Variants in HNRNPK observed in about 807,000 individuals in gnomAD.
HNRNPK encodes dC-stretch binding protein.
In HNRNPK, 7 loss-of-function variants were observed where a neutral mutation model predicts 67.0. The observed-to-expected ratio is 0.10, with a 90% CI of 0.06 to 0.20. The LOEUF (loss-of-function observed/expected upper bound fraction) is 0.20, where lower values mean the gene tolerates loss of function less well. Among genes scored for constraint, HNRNPK ranks in the 10% least tolerant of loss-of-function variants. HNRNPK has a pLI of 1.00. For missense variants in HNRNPK, 264 were observed against 606.5 expected, an observed-to-expected ratio of 0.44 and a Z score of 5.93; for synonymous variants, 213 against 193.7, an observed-to-expected ratio of 1.10 and a Z score of -0.83.
chr9:83,979,307 G>A (rs1186575562), intron 1 of HNRNPK, among the ~76,000 whole-genome samples: 1 of 152,220 alleles, frequency 6.6e-6, no homozygotes, highest in African/African-American at 2.4e-5. Context: ...AACGACAACT[G>A]AAACGACATC....
chr9:83,974,131 ATT>A (rs1244951050), intron 7 of HNRNPK, among the ~76,000 whole-genome samples, 158 bp from the exon 8 acceptor site: 2 of 152,128 alleles, frequency 1.3e-5, no homozygotes, highest in African/African-American at 4.8e-5. Flanking sequence ...AACATAAAAT[ATT>A]TTTCTCTATA....
intron 1 of HNRNPK, 71 bp downstream of exon 1, chr9:83,980,082 C>T (rs924723122): frequency 3.9e-5 from 6 of 152,398 alleles, no homozygotes; most frequent in African/African-American, 1.4e-4. Flanking sequence ...TCCCAGGACG[C>T]CTCCCTCAAG....
At chr9:83,970,964 C>CTAAATTACTAAATTA (rs779441775) in intron 13 of HNRNPK, 52 bp from the exon 14 acceptor site, 10 of 1,551,900 alleles carry the variant, frequency 6.4e-6, no homozygotes, top group Non-Finnish European at 8.9e-6. Context: ...GTAATTACTA[C>CTAAATTACTAAATTA]CGGTACTTTA....
Position 83,973,789 on chromosome 9 carries a change from T to C in HNRNPK, c.402+113A>G, listed in dbSNP as rs1050170362. 7 of 753,448 alleles carry C rather than the reference T, an allele frequency of 9.3e-6. No homozygotes were observed. The Admixed American group carries it at 9.9e-5, about 11-fold the overall frequency. 46.7% of individuals were successfully genotyped at this position (753,448 alleles called of 1,614,324 possible). On this transcript the variant is annotated intron_variant, in intron 8 of 16. Coordinates refer to ENST00000376263, the MANE Select transcript of HNRNPK (RefSeq NM_031263.4). Reference sequence around the variant, plus strand: ...GAGTTGTAAGACCATTCATGTATCATGTTTTTAAGCCTTTTTCTATAGAGA... The same window carrying C: ...GAGTTGTAAGACCATTCATGTATCACGTTTTTAAGCCTTTTTCTATAGAGA...
At chr9:83,970,528 G>A in intron 15 of HNRNPK, 197 bp from the exon 16 acceptor site, 1 of 640,328 alleles carries the variant, frequency 1.6e-6, no homozygotes, top group Non-Finnish European at 2.7e-6. Context: ...TTAGTTAAGG[G>A]CTCAAAACCT....
Position 83,971,928 on chromosome 9 carries a change from T to C in HNRNPK, c.907A>G (p.Arg303Gly), listed in dbSNP as rs1956864032. Residue 303 changes from arginine to glycine, a missense_variant, in exon 11 of 17, where the codon AGA becomes GGA. Around this residue, in one of 6 missense-constraint regions of HNRNPK, gnomAD observed 142 missense variants for 256.5 expected, o/e 0.55. Coordinates refer to ENST00000376263, the MANE Select transcript of HNRNPK (RefSeq NM_031263.4). ...GGAGGAAGAGGAAGATTCCGAGCTC[T>C]GCTACCACCCCGGCCGCCTCGTCCG... ...PPGRGGRGGS[R>G]ARNLPLPPPP... 1 of 1,583,016 alleles carries C rather than the reference T, an allele frequency of 6.3e-7. No individual in the cohort carries two copies. Among genetic ancestry groups the C allele is most frequent in the African/African-American group, 1.4e-5 (1 of 73,724 alleles).
In HNRNPK at chr9:83,969,244, C is replaced by T. The variant is rs899268198; in HGVS notation, c.*163G>A. On this transcript the variant is annotated 3_prime_UTR_variant, in exon 17 of 17. Coordinates refer to ENST00000376263, the MANE Select transcript of HNRNPK (RefSeq NM_031263.4). Reference sequence around the variant, plus strand: ...CATCTGGTGAACAGCAAAGATTTCACTACACCTCAAATGCAGAACACCTAT... The same window carrying T: ...CATCTGGTGAACAGCAAAGATTTCATTACACCTCAAATGCAGAACACCTAT... 5 of 704,522 alleles carry T rather than the reference C, an allele frequency of 7.1e-6. No individual in the cohort carries two copies. The African/African-American group carries it at 7.2e-5, about 10-fold the overall frequency. The allele number at this position is 704,522 out of a possible 1,614,324, so 43.6% of individuals were successfully genotyped here.
At chr9:83,973,156 ATT>A in intron 9 of HNRNPK, 128 bp downstream of exon 9, 1 of 755,384 alleles carries the variant, frequency 1.3e-6, no homozygotes, top group East Asian at 2.5e-5. Flanking sequence ...AGTGCCAGAC[ATT>A]TTTTGTCATT....
intron 6 of HNRNPK, among the ~76,000 whole-genome samples, chr9:83,975,119 G>A (rs866074464): frequency 2.0e-5 from 3 of 152,214 alleles, no homozygotes; most frequent in Admixed American, 6.5e-5. Flanking sequence ...ACCAGAGTTA[G>A]CATTTCATCA....
chr9:83,978,174 A>G (rs779559331), intron 3 of HNRNPK, 21 bp downstream of exon 3: 3 of 1,512,220 alleles, frequency 2.0e-6, no homozygotes, highest in South Asian at 2.3e-5. Flanking sequence ...AAATACTGTT[A>G]AAACTAAAAT....
intron 7 of HNRNPK, 42 bp downstream of exon 7, chr9:83,974,475 C>T: frequency 1.1e-6 from 1 of 943,074 alleles, no homozygotes; most frequent in Non-Finnish European, 1.7e-6. Context: ...TAAACATTCC[C>T]CCCTCATATT....
At position 83,969,444 on chromosome 9, in the gene HNRNPK, TAAAAG is replaced by T. The variant is rs746640216; in HGVS notation, c.1362-9_1362-5del. The T allele has an allele frequency of 3.1e-5, 49 of 1,570,190 alleles. No individual in the cohort carries two copies. Among genetic ancestry groups the T allele is most frequent in the Middle Eastern group, 1.7e-4 (1 of 5,906 alleles). On this transcript the variant is annotated splice_polypyrimidine_tract_variant and splice_region_variant and intron_variant, in intron 16 of 16. Transcript: ENST00000376263. Reference sequence around the variant, plus strand: ...AACATCTGCATACTGCTTCACACTATAAAAGAAAAGAAAAAAAAGTGCGAATTAGA... The same window carrying T: ...AACATCTGCATACTGCTTCACACTATAAAAGAAAAAAAAGTGCGAATTAGA...
intron 9 of HNRNPK, 107 bp downstream of exon 9, chr9:83,973,179 A>C (rs1956931688): frequency 2.5e-6 from 2 of 805,022 alleles, no homozygotes; most frequent in East Asian, 2.5e-5. Context: ...TGCGATAAGC[A>C]ATCTTTGGAG....
chr9:83,974,809 G>C (rs11140314), intron 6 of HNRNPK, among the ~76,000 whole-genome samples: 1 of 152,200 alleles, frequency 6.6e-6, no homozygotes, highest in Non-Finnish European at 1.5e-5. Flanking sequence ...GAGAGACAGA[G>C]AGAATGGGCT....
At position 83,969,075 on chromosome 9, in the gene HNRNPK, A is replaced by G. The variant is rs1206479723; in HGVS notation, c.*332T>C. ...GTGACCACAAAGCAAGGTGTTCACA[A>G]TAATTACATGGGGGGAATTTTTTAA... is the stretch of plus-strand genomic sequence containing the variant. On this transcript the variant is annotated 3_prime_UTR_variant, in exon 17 of 17. Coordinates refer to ENST00000376263, the MANE Select transcript of HNRNPK (RefSeq NM_031263.4). 4.2e-6 allele frequency: 2 copies of G among 472,922 alleles called. No individual in the cohort carries two copies. Among genetic ancestry groups the G allele is most frequent in the East Asian group, 3.5e-5 (1 of 28,440 alleles). 29.3% of individuals were successfully genotyped at this position (472,922 alleles called of 1,614,324 possible).
chr9:83,972,020 G>A lies in HNRNPK; in HGVS notation c.815C>T (p.Pro272Leu), dbSNP rs1956869289. ...DRMPPGRGGRPMPPSRRDYDD... is the reference protein window; with the variant it reads ...DRMPPGRGGRLMPPSRRDYDD... ...ATAATCTCTTCTAGATGGAGGCATG[G>A]GACGCCCACCCCGACCAGGAGGCAT... The change falls in exon 11 of 17, where the codon CCC becomes CTC. Residue 272 changes from proline (P) to leucine (L), a missense_variant. This residue lies in a region of HNRNPK where 142 missense variants were observed against 256.5 expected (regional missense o/e 0.55). Transcript: ENST00000376263. The A allele has an allele frequency of 6.2e-7, 1 of 1,613,696 alleles. No homozygotes were observed. The highest frequency in any genetic ancestry group is 1.3e-5 in the African/African-American group (1 of 74,892).
intron 5 of HNRNPK, chr9:83,976,640 A>G (rs983472195): frequency 2.3e-5 from 4 of 174,950 alleles, no homozygotes; most frequent in Non-Finnish European, 3.6e-5. Context: ...GCCACCTGCA[A>G]TGGTTTTCAG....
At chr9:83,977,979 G>A (rs1957146961) in intron 3 of HNRNPK, among the ~76,000 whole-genome samples, 193 bp from the exon 4 acceptor site, 2 of 151,980 alleles carry the variant, frequency 1.3e-5, no homozygotes, top group African/African-American at 2.4e-5. Context: ...TACTTCAAAG[G>A]ATTTGAAATC....
chr9:83,971,837 T>C (rs367907323), intron 11 of HNRNPK, 45 bp downstream of exon 11: 5 of 1,567,176 alleles, frequency 3.2e-6, no homozygotes, highest in African/African-American at 1.4e-5. Flanking sequence ...TAATAATTCA[T>C]AGATGGGGGA....
Sources: gnomAD v4.1 joint callset for allele counts (sites outside exome capture counted in the v4.1 genomes callset) on GRCh38, gnomAD v4.1.1 for gene constraint, gnomAD v4.1.1 regional missense constraint, MANE v1.5 for transcripts, NCBI Gene and HGNC (gene_info 2026-07-23, HGNC 2026-07-21) for gene names.